Variants in TMEM150C observed in about 807,000 individuals in gnomAD.
The protein encoded by TMEM150C is transmembrane protein 150C.
Under a neutral mutation model 29.9 loss-of-function variants are expected in TMEM150C, and 10 were observed. The ratio of observed to expected loss-of-function variants is 0.33; its 90% confidence interval spans 0.21 to 0.57. TMEM150C has a LOEUF of 0.57. TMEM150C is among the 20% of genes least tolerant of loss of function. The pLI is 0.88. For synonymous variants in TMEM150C, 101 were observed against 112.5 expected, an observed-to-expected ratio of 0.90 and a Z score of 0.64; for missense variants, 251 against 303.6, an observed-to-expected ratio of 0.83 and a Z score of 1.29.
chr4:82,544,078 C>T (rs774344165), intron 1 of TMEM150C, among the ~76,000 whole-genome samples: 18 of 152,190 alleles, frequency 1.2e-4, no homozygotes, highest in Non-Finnish European at 2.2e-4. Context: ...TGCCCCTCAC[C>T]GTCCAGGTGT....
intron 1 of TMEM150C, among the ~76,000 whole-genome samples, chr4:82,530,628 TAA>T (rs1414231740): frequency 6.6e-6 from 1 of 152,208 alleles, no homozygotes; most frequent in Non-Finnish European, 1.5e-5. Flanking sequence ...CTGGAATTCC[TAA>T]GTTTGTCTCC....
intron 1 of TMEM150C, among the ~76,000 whole-genome samples, chr4:82,528,476 G>A (rs979029272): frequency 2.0e-5 from 3 of 152,150 alleles, no homozygotes; most frequent in Non-Finnish European, 2.9e-5. Context: ...AAGATGGCAC[G>A]TGTTCCAAAC....
rs370884292 is a variant in TMEM150C, at chr4:82,550,100, T to C, written c.-11+11806A>G. Among the ~76,000 whole-genome samples, 12 of 152,268 alleles carry C rather than the reference T, an allele frequency of 7.9e-5. 1 individual carries two copies. The East Asian group carries it at 9.6e-4, about 12-fold the overall frequency. On this transcript the variant is annotated intron_variant, in intron 1 of 7. Coordinates refer to ENST00000449862, the MANE Select transcript of TMEM150C (RefSeq NM_001080506.3). ...AGAACTGTAATCCCCATAATCCCCA[T>C]GTGTTGAGGGAGGGGCCTGGTGGGA...
intron 1 of TMEM150C, among the ~76,000 whole-genome samples, chr4:82,516,502 G>C (rs1406773105): frequency 6.6e-6 from 1 of 152,164 alleles, no homozygotes; most frequent in African/African-American, 2.4e-5. Context: ...TCTATAAAAT[G>C]GGGATCATAA....
chr4:82,538,057 TTTTTA>T (rs1292254855), intron 1 of TMEM150C, among the ~76,000 whole-genome samples: 10 of 152,202 alleles, frequency 6.6e-5, no homozygotes, highest in East Asian at 1.9e-4. Flanking sequence ...CTCTGCATTA[TTTTTA>T]TTTTATTTTA....
intron 1 of TMEM150C, among the ~76,000 whole-genome samples, chr4:82,511,367 C>G (rs923064056): frequency 6.6e-6 from 1 of 152,026 alleles, no homozygotes; most frequent in African/African-American, 2.4e-5. Flanking sequence ...AGGCAATCAC[C>G]TTCATTCAAC....
At chr4:82,560,360 A>C (rs547139980) in intron 1 of TMEM150C, among the ~76,000 whole-genome samples, 1 of 152,220 alleles carries the variant, frequency 6.6e-6, no homozygotes, top group Admixed American at 6.5e-5. Context: ...TATTGTTAGC[A>C]AAACTTCTTT....
chr4:82,489,969 C>A, intron 7 of TMEM150C, 92 bp downstream of exon 7: 3 of 1,269,964 alleles, frequency 2.4e-6, no homozygotes, highest in South Asian at 1.5e-5. Flanking sequence ...GAAGATCTGG[C>A]AGAATATCCT....
At chr4:82,552,347 A>AT (rs1725607721) in intron 1 of TMEM150C, among the ~76,000 whole-genome samples, 1 of 152,168 alleles carries the variant, frequency 6.6e-6, no homozygotes, top group Non-Finnish European at 1.5e-5. Context: ...AAGATCCTGC[A>AT]TTTTTCCTTC....
chr4:82,538,626 A>G (rs1487065197), intron 1 of TMEM150C, among the ~76,000 whole-genome samples: 1 of 152,224 alleles, frequency 6.6e-6, no homozygotes, highest in Non-Finnish European at 1.5e-5. Context: ...GAAATAGAAA[A>G]TAGCATATGT....
intron 1 of TMEM150C, among the ~76,000 whole-genome samples, chr4:82,543,825 TG>T (rs765964490): frequency 1.3e-5 from 2 of 152,202 alleles, no homozygotes; most frequent in Non-Finnish European, 2.9e-5. Flanking sequence ...GAAACCCTTG[TG>T]GGCCGAGAAG....
chr4:82,560,045 C>G (rs143049159), intron 1 of TMEM150C, among the ~76,000 whole-genome samples: 225 of 152,248 alleles, frequency 1.5e-3, no homozygotes, highest in African/African-American at 5.3e-3. Context: ...CCAAAAACCC[C>G]TGCAAGGTCA....
At chr4:82,557,382 T>C (rs1725766936) in intron 1 of TMEM150C, among the ~76,000 whole-genome samples, 1 of 152,238 alleles carries the variant, frequency 6.6e-6, no homozygotes, top group South Asian at 2.1e-4. Context: ...GGGTACCCAT[T>C]TGTCAGACTT....
intron 5 of TMEM150C, among the ~76,000 whole-genome samples, chr4:82,501,495 C>T (rs1178333384): frequency 2.6e-5 from 4 of 152,262 alleles, no homozygotes; most frequent in East Asian, 1.9e-4. Flanking sequence ...AAATGGGATA[C>T]GCTTTGGGGA....
intron 1 of TMEM150C, among the ~76,000 whole-genome samples, chr4:82,554,740 T>C (rs1005045833): frequency 6.6e-6 from 1 of 152,242 alleles, no homozygotes; most frequent in Non-Finnish European, 1.5e-5. Context: ...ATTTAAAGTA[T>C]GGGCTAATTT....
intron 1 of TMEM150C, among the ~76,000 whole-genome samples, chr4:82,549,661 A>G (rs1003928416): frequency 6.6e-6 from 1 of 152,250 alleles, no homozygotes; most frequent in Non-Finnish European, 1.5e-5. Flanking sequence ...ATTAAAATTT[A>G]AAAAGGAAAT....
At chr4:82,549,710 G>T (rs1338920263) in intron 1 of TMEM150C, among the ~76,000 whole-genome samples, 2 of 152,164 alleles carry the variant, frequency 1.3e-5, no homozygotes, top group Non-Finnish European at 2.9e-5. Context: ...ACTTCTTTTT[G>T]TAATCATCTC....
intron 6 of TMEM150C, among the ~76,000 whole-genome samples, chr4:82,493,215 T>C (rs1723429709): frequency 6.6e-6 from 1 of 152,004 alleles, no homozygotes; most frequent in South Asian, 2.1e-4. Context: ...GGCTGTAGGA[T>C]TTTTGCCTCT....
intron 1 of TMEM150C, among the ~76,000 whole-genome samples, chr4:82,557,716 G>A (rs1725777191): frequency 6.7e-6 from 1 of 150,076 alleles, no homozygotes; most frequent in African/African-American, 2.5e-5. Context: ...AAGTACAAGT[G>A]GTTTTTCTTT....
Sources: allele counts gnomAD v4.1 joint callset (sites outside exome capture counted in the v4.1 genomes callset), GRCh38; gene constraint gnomAD v4.1.1; transcripts MANE v1.5; gene names NCBI Gene and HGNC (gene_info 2026-07-23, HGNC 2026-07-21).